Variants in STOX2 observed in about 807,000 individuals in gnomAD.
STOX2 encodes storkhead-box protein 2.
Under a neutral mutation model 60.9 loss-of-function variants are expected in STOX2, and 28 were observed. The observed-to-expected ratio is 0.46, with a 90% confidence interval of 0.34 to 0.63. The LOEUF is 0.63. Among genes scored for constraint, STOX2 ranks in the 30% least tolerant of loss-of-function variants. The pLI is 0.01. For synonymous variants in STOX2, 472 were observed against 463.9 expected (o/e 1.02, Z -0.22); for missense variants, 1,024 against 1,187.7 (o/e 0.86, Z 2.03).
At chr4:183,962,502 A>G (rs146401006) in intron 1 of STOX2, among the ~76,000 whole-genome samples, 1 of 152,300 alleles carries the variant, frequency 6.6e-6, no homozygotes, top group East Asian at 1.9e-4. Context: ...GTTCTGTTTA[A>G]TTTACTATTT....
intron 1 of STOX2, among the ~76,000 whole-genome samples, chr4:183,977,199 C>G (rs770387944): frequency 6.6e-6 from 1 of 152,076 alleles, no homozygotes; most frequent in African/African-American, 2.4e-5. Context: ...TATTTGATCC[C>G]TCACTTCCCT....
At chr4:183,933,945 G>T (rs1265740585) in intron 1 of STOX2, among the ~76,000 whole-genome samples, 4 of 152,190 alleles carry the variant, frequency 2.6e-5, no homozygotes, top group African/African-American at 9.6e-5. Context: ...AGAAGGTGGG[G>T]TGTTTTAAGA....
rs1379832514 is a variant in STOX2 at position 183,914,583 on chromosome 4, G to C, written c.166+7627G>C. Among the ~76,000 whole-genome samples, 3 of 152,236 alleles carry C rather than the reference G, an allele frequency of 2.0e-5. No individual in the cohort carries two copies. In the South Asian group the frequency reaches 6.2e-4, roughly 32 times the overall value. On this transcript the variant is annotated intron_variant, in intron 1 of 3. Coordinates refer to ENST00000308497, the MANE Select transcript of STOX2 (RefSeq NM_020225.3). ...AATGGTTTGGTATTCCAACTACAGAGGGCTTTCAGGTGAACAATAAAGGCG... is the reference window on the plus strand; with the variant it reads ...AATGGTTTGGTATTCCAACTACAGACGGCTTTCAGGTGAACAATAAAGGCG...
chr4:183,809,544 A>T, intron 1 of STOX2, among the ~76,000 whole-genome samples: 1 of 152,126 alleles, frequency 6.6e-6, no homozygotes. Flanking sequence ...GATTCCAGGC[A>T]CGTGCCATCA....
chr4:183,910,813 A>G (rs1183875989), intron 1 of STOX2, among the ~76,000 whole-genome samples: 1 of 152,198 alleles, frequency 6.6e-6, no homozygotes, highest in Non-Finnish European at 1.5e-5. Flanking sequence ...AGAAATTTGA[A>G]AGCAGTTTTG....
chr4:184,010,455 T>G lies in STOX2; in HGVS notation c.1617T>G (p.Val539=). 1 of 1,613,924 alleles carries G rather than the reference T, an allele frequency of 6.2e-7. No homozygotes were observed. Among genetic ancestry groups the G allele is most frequent in the Non-Finnish European group, 8.5e-7 (1 of 1,179,868 alleles). The change falls in exon 3 of 4, where the codon GTT becomes GTG. Residue 539 remains valine (V), a synonymous_variant. Transcript: ENST00000308497. The surrounding 1 kb of genome is among the most constrained non-coding windows in gnomAD (Gnocchi z 4.5). ...DDSTLRPAQT[V]SLQRAHISST... is the part of the protein sequence containing the mutation. ...GTACTTTAAGGCCTGCACAGACCGTTAGTCTCCAAAGGGCTCACATTTCGT... is the reference window on the plus strand; with the variant it reads ...GTACTTTAAGGCCTGCACAGACCGTGAGTCTCCAAAGGGCTCACATTTCGT...
intron 1 of STOX2, among the ~76,000 whole-genome samples, chr4:183,948,218 C>CAAAAAAAAAAA (rs760286920): frequency 6.7e-5 from 2 of 29,874 alleles, no homozygotes; most frequent in African/African-American, 1.3e-4. Context: ...AACTCCATCT[C>CAAAAAAAAAAA]AAAAAAAAAA....
chr4:183,863,424 G>A (rs1740495469), intron 1 of STOX2, among the ~76,000 whole-genome samples: 1 of 152,228 alleles, frequency 6.6e-6, no homozygotes, highest in South Asian at 2.1e-4. Flanking sequence ...GATTTTCTGA[G>A]CCTGAAAGTC....
At chr4:183,855,962 A>G (rs1740276574) in intron 1 of STOX2, among the ~76,000 whole-genome samples, 2 of 152,210 alleles carry the variant, frequency 1.3e-5, no homozygotes, top group South Asian at 4.1e-4. Context: ...CTCTGGCCAC[A>G]GCTGCTCTGG....
chr4:183,989,933 A>G (rs764672762), intron 1 of STOX2, among the ~76,000 whole-genome samples: 57 of 152,186 alleles, frequency 3.7e-4, no homozygotes, highest in Non-Finnish European at 6.8e-4. Context: ...CGTATGTAAT[A>G]GGTAAGAATT....
At chr4:183,874,990 TATAA>T (rs752495484) in intron 1 of STOX2, among the ~76,000 whole-genome samples, 3 of 81,806 alleles carry the variant, frequency 3.7e-5, no homozygotes, top group African/African-American at 1.6e-4. Context: ...TATATATATA[TATAA>T]AACTTAGAAT....
intron 1 of STOX2, among the ~76,000 whole-genome samples, chr4:183,830,487 T>C (rs1166945012): frequency 6.6e-6 from 1 of 152,174 alleles, no homozygotes. Flanking sequence ...GTGCCAGGGC[T>C]GGGAGAGATG....
intron 1 of STOX2, among the ~76,000 whole-genome samples, chr4:183,877,340 T>G (rs2111169322): frequency 6.6e-6 from 1 of 152,292 alleles, no homozygotes; most frequent in East Asian, 1.9e-4. Context: ...AGGATCTGCA[T>G]TTTAACCAGA....
intron 1 of STOX2, among the ~76,000 whole-genome samples, chr4:183,973,499 G>T (rs1743801650): frequency 6.6e-6 from 1 of 152,002 alleles, no homozygotes; most frequent in East Asian, 1.9e-4. Context: ...AATAACCAGG[G>T]AACATATTAT....
chr4:183,820,995 T>C (rs1262210383), intron 1 of STOX2, among the ~76,000 whole-genome samples: 1 of 151,970 alleles, frequency 6.6e-6, no homozygotes, highest in Non-Finnish European at 1.5e-5. Context: ...TAGTCCCAGC[T>C]ACTCAGGAGG....
chr4:183,798,144 C>T (rs1738671136), intron 1 of STOX2: 2 of 1,177,728 alleles, frequency 1.7e-6, no homozygotes, highest in Admixed American at 8.8e-5. Context: ...CCTGCCCCAG[C>T]CCGCCGCGGG....
intron 1 of STOX2, among the ~76,000 whole-genome samples, chr4:183,912,497 T>C (rs1364549431): frequency 6.6e-6 from 1 of 152,196 alleles, no homozygotes; most frequent in African/African-American, 2.4e-5. Context: ...TTGCCCAGAA[T>C]GCGTTCTCCA....
At chr4:183,924,536 G>T (rs1742187500) in intron 1 of STOX2, among the ~76,000 whole-genome samples, 1 of 152,134 alleles carries the variant, frequency 6.6e-6, no homozygotes, top group Non-Finnish European at 1.5e-5. Flanking sequence ...GAGAGAGGAG[G>T]GGCTGGGACC....
intron 1 of STOX2, among the ~76,000 whole-genome samples, chr4:183,936,460 G>C (rs73000649): frequency 0.012 from 1,801 of 150,858 alleles, 30 homozygotes; most frequent in African/African-American, 0.041. Flanking sequence ...ATTGGCGTCA[G>C]TATCTTTTAC....
Sources: allele counts gnomAD v4.1 joint callset (sites outside exome capture counted in the v4.1 genomes callset), GRCh38; gene constraint gnomAD v4.1.1; non-coding constraint Gnocchi (gnomAD v3.1); transcripts MANE v1.5; gene names NCBI Gene and HGNC (gene_info 2026-07-23, HGNC 2026-07-21).